Variants in RBFOX1 observed in about 807,000 individuals in gnomAD.
RBFOX1 encodes the protein RNA binding fox-1 homolog 1.
A neutral mutation model predicts 57.7 loss-of-function variants in RBFOX1; 8 were observed. The ratio of observed to expected loss-of-function variants is 0.14; its 90% CI spans 0.08 to 0.25. The LOEUF (loss-of-function observed/expected upper bound fraction) is 0.25, where lower values mean the gene tolerates loss of function less well. Ranked by LOEUF, RBFOX1 falls within the 10% of genes least tolerant of loss-of-function variation. The pLI is 1.00. For missense variants in RBFOX1, 611 were observed against 548.5 expected, an observed-to-expected ratio of 1.11 and a Z score of -1.14; for synonymous variants, 326 against 222.4, an observed-to-expected ratio of 1.47 and a Z score of -4.15.
intron 4 of RBFOX1, among the ~76,000 whole-genome samples, chr16:7,374,933 AC>A (rs1214143273): frequency 6.6e-6 from 1 of 152,224 alleles, no homozygotes; most frequent in Non-Finnish European, 1.5e-5. Context: ...CTCTGCACTT[AC>A]AAATTTAAAC....
At chr16:6,230,479 C>T (rs1028942660) in intron 1 of RBFOX1, among the ~76,000 whole-genome samples, 1 of 152,108 alleles carries the variant, frequency 6.6e-6, no homozygotes, top group Non-Finnish European at 1.5e-5. Context: ...TGCTTTTAAC[C>T]TGGTAGTGTA....
rs576995925 is a variant in RBFOX1 at position 5,637,191 on chromosome 16, C to T, written c.318+38230C>T. Among the ~76,000 whole-genome samples, 204 of 152,280 alleles carry T rather than the reference C, an allele frequency of 1.3e-3. 2 individuals carry two copies. The South Asian group carries it at 0.02, about 15-fold the overall frequency. On this transcript the variant is annotated intron_variant, in intron 3 of 19. Coordinates refer to the RBFOX1 transcript ENST00000641259. ...TCACGCAGGGCAGCAGCTGACATGC[C>T]GCTGAGAAAGAAGCAAATCAGCCTA...
intron 1 of RBFOX1, among the ~76,000 whole-genome samples, chr16:5,313,547 A>G (rs946310275): frequency 1.3e-5 from 2 of 152,076 alleles, no homozygotes; most frequent in Admixed American, 1.3e-4. Context: ...CTTACCCGAG[A>G]CTGGGAAGAG....
chr16:5,264,334 G>A (rs2062808540), intron 1 of RBFOX1, among the ~76,000 whole-genome samples: 1 of 152,182 alleles, frequency 6.6e-6, no homozygotes, highest in Non-Finnish European at 1.5e-5. Context: ...TGGTGAGAAC[G>A]TGGTCACCCT....
intron 3 of RBFOX1, among the ~76,000 whole-genome samples, chr16:6,753,199 C>T (rs1187028237): frequency 6.6e-6 from 1 of 152,070 alleles, no homozygotes; most frequent in Non-Finnish European, 1.5e-5. Context: ...TTGATGGTTG[C>T]AGAGAGGGAT....
intron 4 of RBFOX1, among the ~76,000 whole-genome samples, chr16:5,933,429 C>A (rs368107497): frequency 3.0e-4 from 45 of 152,284 alleles, no homozygotes; most frequent in African/African-American, 1.1e-3. Flanking sequence ...TCCGACATGT[C>A]AGCCTGATCC....
intron 1 of RBFOX1, among the ~76,000 whole-genome samples, chr16:6,175,391 T>C (rs1278251355): frequency 6.6e-6 from 1 of 152,106 alleles, no homozygotes; most frequent in South Asian, 2.1e-4. Flanking sequence ...TGATGCGCAT[T>C]AGTATGTTAA....
intron 4 of RBFOX1, among the ~76,000 whole-genome samples, chr16:6,009,816 C>CTCTGTGTGTGTGTGTGTGTGTG (rs1555469438): frequency 1.5e-3 from 230 of 148,514 alleles, no homozygotes; most frequent in South Asian, 4.7e-3. Flanking sequence ...GTGTGTGTGT[C>CTCTGTGTGTGTGTGTGTGTGTG]TGTGTGTGTG....
chr16:6,225,460 G>A lies in RBFOX1; in HGVS notation c.-126-91535G>A, dbSNP rs537966122. Among the ~76,000 whole-genome samples the A allele has an allele frequency of 1.4e-3, 207 of 152,170 alleles. 1 individual carries two copies. The highest frequency in any genetic ancestry group is 1.2e-3 in the Non-Finnish European group (79 of 68,008). On this transcript the variant is annotated intron_variant, in intron 1 of 15. Transcript: ENST00000550418. ...TATCTGGAATGTACATTTAATACCC[G>A]GGAATGATGTCAGTAATATATGTAA... is the stretch of plus-strand genomic sequence containing the variant.
chr16:6,594,995 G>A (rs1325255042), intron 2 of RBFOX1, among the ~76,000 whole-genome samples: 1 of 152,020 alleles, frequency 6.6e-6, no homozygotes, highest in Non-Finnish European at 1.5e-5. Context: ...CACCGTGTTG[G>A]CCAGGCTGGT....
chr16:6,966,566 G>C (rs189069221), intron 3 of RBFOX1, among the ~76,000 whole-genome samples: 4 of 152,090 alleles, frequency 2.6e-5, no homozygotes, highest in Non-Finnish European at 4.4e-5. Flanking sequence ...CTTTGAGAAA[G>C]AATGGAAGAT....
intron 2 of RBFOX1, among the ~76,000 whole-genome samples, chr16:6,366,848 G>A (rs1008407942): frequency 6.6e-6 from 1 of 152,112 alleles, no homozygotes; most frequent in Non-Finnish European, 1.5e-5. Context: ...GTGCTTTTCT[G>A]TCTCATGAAA....
chr16:5,984,180 C>G (rs1320012150), intron 4 of RBFOX1, among the ~76,000 whole-genome samples: 4 of 73,592 alleles, frequency 5.4e-5, no homozygotes, highest in Non-Finnish European at 1.1e-4. Context: ...CTTCCCCTCC[C>G]CCTCCTCCTC....
chr16:5,600,880 A>G (rs766346688), downstream of RBFOX1, among the ~76,000 whole-genome samples: 9 of 152,058 alleles, frequency 5.9e-5, no homozygotes, highest in Non-Finnish European at 1.2e-4. Context: ...CATCCTCTCA[A>G]TGACTCCGTA....
chr16:6,790,726 C>T (rs2082780899), intron 3 of RBFOX1, among the ~76,000 whole-genome samples: 1 of 152,120 alleles, frequency 6.6e-6, no homozygotes, highest in South Asian at 2.1e-4. Flanking sequence ...CCCTCCTCTT[C>T]TTCTTCTCCT....
At chr16:6,904,392 G>A (rs967376804) in intron 3 of RBFOX1, among the ~76,000 whole-genome samples, 2 of 151,856 alleles carry the variant, frequency 1.3e-5, no homozygotes, top group Non-Finnish European at 2.9e-5. Flanking sequence ...GTTGAGGTCA[G>A]GAGTTTGAGA....
Position 7,160,292 on chromosome 16 carries a change from C to T in RBFOX1, c.27+108194C>T, listed in dbSNP as rs13334107. On this transcript the variant is annotated intron_variant, in intron 4 of 15. Transcript: ENST00000550418. ...CTTCCTGTCTTTGGCAGGTTTCAGG[C>T]AAGTTGCATTAGTCTTCTGGACTTT... is the stretch of plus-strand genomic sequence containing the variant. Among the ~76,000 whole-genome samples the T allele has an allele frequency of 9.6e-3, 1,462 of 152,054 alleles. 24 individuals carry two copies. Among genetic ancestry groups the T allele is most frequent in the African/African-American group, 0.031 (1,302 of 41,460 alleles).
In RBFOX1 at chr16:7,268,854, T is replaced by C. The variant is rs1345233662; in HGVS notation, c.27+216756T>C. Among the ~76,000 whole-genome samples, 3 of 151,788 alleles carry C rather than the reference T, an allele frequency of 2.0e-5. No homozygotes were observed. In the East Asian group the frequency reaches 5.8e-4, roughly 29 times the overall value. The stretch of plus-strand genomic sequence containing the variant: ...GAGTTCGATACCAGTTTCACCAACA[T>C]GGTGAAACCCCATCTCTACTAAAAA... On this transcript the variant is annotated intron_variant, in intron 4 of 15. Coordinates refer to ENST00000550418, the MANE Select transcript of RBFOX1 (RefSeq NM_018723.4).
intron 3 of RBFOX1, among the ~76,000 whole-genome samples, chr16:5,605,601 T>A (rs1186774955): frequency 6.6e-6 from 1 of 151,508 alleles, no homozygotes; most frequent in East Asian, 2.0e-4. Flanking sequence ...CACTGATGAG[T>A]AATGTCTGCC....
Sources: allele counts gnomAD v4.1 joint callset (sites outside exome capture counted in the v4.1 genomes callset), GRCh38; gene constraint gnomAD v4.1.1; transcripts MANE v1.5; gene names NCBI Gene and HGNC (gene_info 2026-07-23, HGNC 2026-07-21).